KAT6A: variants seen among roughly 807,000 people sequenced by gnomAD.
KAT6A encodes lysine acetyltransferase 6A, also known as histone acetyltransferase KAT6A.
KAT6A carries 9 observed loss-of-function variants against 198.4 expected under a neutral mutation model. The ratio of observed to expected loss-of-function variants is 0.05; its 90% CI spans 0.03 to 0.08. The LOEUF is 0.08. KAT6A is among the 10% of genes least tolerant of loss of function. KAT6A has a pLI of 1.00. For synonymous variants in KAT6A, 890 were observed against 883.0 expected, an observed-to-expected ratio of 1.01 and a Z score of -0.14; for missense variants, 2,077 against 2,509.9, an observed-to-expected ratio of 0.83 and a Z score of 3.69.
intron 2 of KAT6A, among the ~76,000 whole-genome samples, chr8:42,043,060 T>C (rs1189175822): frequency 6.6e-6 from 1 of 152,166 alleles, no homozygotes; most frequent in Non-Finnish European, 1.5e-5. Flanking sequence ...GAAAAAATAA[T>C]AATGTAAAAA....
chr8:41,962,783 T>C (rs1373725695), intron 8 of KAT6A, among the ~76,000 whole-genome samples: 1 of 152,182 alleles, frequency 6.6e-6, no homozygotes, highest in Non-Finnish European at 1.5e-5. Context: ...TGTCATCTGC[T>C]ATTTTGAGCC....
rs543131133 is a variant in KAT6A at position 42,002,727 on chromosome 8, T to C, written c.601-15164A>G. Among the ~76,000 whole-genome samples the C allele has an allele frequency of 5.9e-4, 90 of 152,304 alleles. No homozygotes were observed. In the South Asian group the frequency reaches 7.9e-3, roughly 13 times the overall value. ...ATCTTTCTTAAGGCTATATAACACT[T>C]CACTAAATGCTATAAGGTAATTTGA... On this transcript the variant is annotated intron_variant, in intron 2 of 16. Transcript: ENST00000265713.
At position 41,932,485 on chromosome 8, in the gene KAT6A, T is replaced by C. The variant is rs200720962; in HGVS notation, c.5735A>G (p.Asn1912Ser). 2.1e-5 allele frequency: 34 copies of C among 1,614,114 alleles called. No homozygotes were observed. Among genetic ancestry groups the C allele is most frequent in the East Asian group, 4.5e-5 (2 of 44,900 alleles). ...ATTCAAGGTGTTCATATTCATGGAATTGACATTATAGGCGGGAGTAGGCAT... is the reference window on the plus strand; with the variant it reads ...ATTCAAGGTGTTCATATTCATGGAACTGACATTATAGGCGGGAGTAGGCAT... ...NLMPTPAYNV[N>S]SMNMNTLNAM... Residue 1912 changes from asparagine to serine, a missense_variant, in exon 17 of 17, where the codon AAT becomes AGT. This residue lies in a region of KAT6A where 500 missense variants were observed against 577.2 expected (regional missense o/e 0.87). Coordinates refer to ENST00000265713, the MANE Select transcript of KAT6A (RefSeq NM_006766.5).
intron 5 of KAT6A, among the ~76,000 whole-genome samples, chr8:41,979,306 C>G (rs1184021093): frequency 6.6e-6 from 1 of 151,976 alleles, no homozygotes; most frequent in Non-Finnish European, 1.5e-5. Flanking sequence ...TATATAATCT[C>G]TTTTGTAGAA....
At chr8:41,995,819 G>A (rs2150899050) in intron 2 of KAT6A, among the ~76,000 whole-genome samples, 1 of 151,996 alleles carries the variant, frequency 6.6e-6, no homozygotes, top group South Asian at 2.1e-4. Context: ...GGGATTACAG[G>A]CATGTGCCAC....
At chr8:41,964,566 T>C (rs1295725285) in intron 8 of KAT6A, among the ~76,000 whole-genome samples, 2 of 149,590 alleles carry the variant, frequency 1.3e-5, no homozygotes, top group East Asian at 2.0e-4. Context: ...GTAAGAACAC[T>C]GCAGATTTTG....
intron 1 of KAT6A, among the ~76,000 whole-genome samples, chr8:42,050,171 T>C (rs1802533585): frequency 2.0e-5 from 3 of 152,196 alleles, no homozygotes. Flanking sequence ...TGGCTACTTG[T>C]AGGACTAAAG....
chr8:42,007,985 AAAT>A lies in KAT6A; in HGVS notation c.601-20425_601-20423del, dbSNP rs1488128873. Among the ~76,000 whole-genome samples, 42 of 151,132 alleles carry A rather than the reference AAAT, an allele frequency of 2.8e-4. 1 individual carries two copies. The South Asian group carries it at 3.4e-3, about 12-fold the overall frequency. ...TCAAAAAAAAAAAAAAAAAAAAAAA[AAAT>A]TTTTATTGTTAACTTCATAATCCCA... On this transcript the variant is annotated intron_variant, in intron 2 of 16. Transcript: ENST00000265713.
At position 41,967,524 on chromosome 8, in the gene KAT6A, C is replaced by T. The variant is rs183575082; in HGVS notation, c.1482+7180G>A. 5.2e-3 allele frequency among the ~76,000 whole-genome samples: 768 copies of T among 146,446 alleles called. 3 individuals carry two copies. Among genetic ancestry groups the T allele is most frequent in the Non-Finnish European group, 8.0e-3 (538 of 67,058 alleles). On this transcript the variant is annotated intron_variant, in intron 8 of 16. Transcript: ENST00000265713. ...ATGTGTTCTCACTGTTCAATTCCCA[C>T]CTATGAGTGAGAATATGCAGTGTTT...
At chr8:41,950,724 G>C (rs1343020270) in intron 9 of KAT6A, among the ~76,000 whole-genome samples, 1 of 152,092 alleles carries the variant, frequency 6.6e-6, no homozygotes, top group African/African-American at 2.4e-5. Context: ...AAAGATAAAT[G>C]CCAACTTTAA....
chr8:41,997,955 T>C (rs775933588), intron 2 of KAT6A, among the ~76,000 whole-genome samples: 2 of 151,962 alleles, frequency 1.3e-5, no homozygotes, highest in African/African-American at 2.4e-5. Context: ...GGGTGGAAAA[T>C]TGGACTATTT....
At position 42,011,397 on chromosome 8, in the gene KAT6A, C is replaced by T. The variant is rs548135157; in HGVS notation, c.601-23834G>A. Among the ~76,000 whole-genome samples the T allele has an allele frequency of 4.6e-5, 7 of 152,220 alleles. No homozygotes were observed. The East Asian group carries it at 7.7e-4, about 17-fold the overall frequency. Reference sequence around the variant, plus strand: ...TAATTCAATAGACTAGTAAATGAGACCATTTGTTCTAGAAATGAGTATTCA... The same window carrying T: ...TAATTCAATAGACTAGTAAATGAGATCATTTGTTCTAGAAATGAGTATTCA... On this transcript the variant is annotated intron_variant, in intron 2 of 16. Coordinates refer to ENST00000265713, the MANE Select transcript of KAT6A (RefSeq NM_006766.5).
chr8:41,980,107 G>C (rs949593374), intron 5 of KAT6A, among the ~76,000 whole-genome samples: 1 of 152,076 alleles, frequency 6.6e-6, no homozygotes, highest in Non-Finnish European at 1.5e-5. Flanking sequence ...TATCCTATAG[G>C]CATTTTACTT....
chr8:42,033,640 CT>C (rs1055467892), intron 2 of KAT6A, among the ~76,000 whole-genome samples: 1 of 152,150 alleles, frequency 6.6e-6, no homozygotes, highest in Admixed American at 6.5e-5. Flanking sequence ...ACTTCCCTGA[CT>C]TTTTCCACCC....
intron 16 of KAT6A, among the ~76,000 whole-genome samples, chr8:41,936,148 A>C (rs1392117250): frequency 6.6e-6 from 1 of 152,008 alleles, no homozygotes; most frequent in Non-Finnish European, 1.5e-5. Flanking sequence ...TATAATCCCA[A>C]CTACTTGGGA....
intron 1 of KAT6A, among the ~76,000 whole-genome samples, chr8:42,051,124 G>A (rs1343030650): frequency 1.3e-5 from 2 of 152,180 alleles, no homozygotes; most frequent in Non-Finnish European, 2.9e-5. Context: ...AAGGAGTTCA[G>A]AGCGGTGCAT....
chr8:41,984,369 C>T (rs914730869), intron 3 of KAT6A, among the ~76,000 whole-genome samples: 4 of 152,176 alleles, frequency 2.6e-5, no homozygotes, highest in African/African-American at 9.7e-5. Context: ...TGCATGCAGT[C>T]CTGTGAAGAT....
intron 1 of KAT6A, among the ~76,000 whole-genome samples, chr8:42,050,785 C>T (rs1802575571): frequency 6.6e-6 from 1 of 152,104 alleles, no homozygotes; most frequent in African/African-American, 2.4e-5. Flanking sequence ...GACTAAGCTT[C>T]GCAGGTAAAA....
intron 15 of KAT6A, among the ~76,000 whole-genome samples, chr8:41,939,034 A>T (rs574352144): frequency 6.6e-6 from 1 of 152,228 alleles, no homozygotes; most frequent in African/African-American, 2.4e-5. Context: ...TCAAAACTGG[A>T]ACAATCTGAG....
Sources: allele counts gnomAD v4.1 joint callset (sites outside exome capture counted in the v4.1 genomes callset), GRCh38; gene constraint gnomAD v4.1.1; regional missense constraint gnomAD v4.1.1; transcripts MANE v1.5; gene names NCBI Gene and HGNC (gene_info 2026-07-23, HGNC 2026-07-21).